FASTKD1: variants seen among roughly 807,000 people sequenced by gnomAD.
The protein encoded by FASTKD1 is FAST kinase domains 1, also known as FAST kinase domain-containing protein 1, mitochondrial.
Under a neutral mutation model 90.9 loss-of-function variants are expected in FASTKD1, and 94 were observed. The observed-to-expected ratio is 1.03, with a 90% confidence interval of 0.88 to 1.23. FASTKD1 has a LOEUF of 1.23. Ranked by LOEUF, FASTKD1 falls within the 50% of genes most tolerant of loss-of-function variation. FASTKD1 has a pLI of 0.00. For missense variants in FASTKD1, 945 were observed against 993.5 expected (o/e 0.95, Z 0.66); for synonymous variants, 319 against 345.8 (o/e 0.92, Z 0.86).
chr2:169,539,639 C>A (rs1299954762), intron 10 of FASTKD1, among the ~76,000 whole-genome samples: 1 of 151,936 alleles, frequency 6.6e-6, no homozygotes, highest in Non-Finnish European at 1.5e-5. Flanking sequence ...GTGACACACG[C>A]CTGTGGTCCC....
Position 169,540,046 on chromosome 2 carries a change from C to A in FASTKD1, c.1945+5G>T. ...AATTAAATAAATTAAAAGATAGATACATACTTTCAAGTTGAGAATCCAATC... is the reference window on the plus strand; with the variant it reads ...AATTAAATAAATTAAAAGATAGATAAATACTTTCAAGTTGAGAATCCAATC... On this transcript the variant is annotated splice_donor_5th_base_variant and intron_variant, in intron 10 of 14. Transcript: ENST00000453153. 1 of 1,531,210 alleles carries A rather than the reference C, an allele frequency of 6.5e-7. No individual in the cohort carries two copies. 94.9% of individuals were successfully genotyped at this position (1,531,210 alleles called of 1,614,324 possible). A position where few individuals can be genotyped will look rare whatever the true frequency, so the allele number is the denominator to read the frequency against.
In FASTKD1 at chr2:169,546,963, G is replaced by C. The variant is rs373332330; in HGVS notation, c.1215-259C>G. The stretch of plus-strand genomic sequence containing the variant: ...TCAGTTCTGACACAATCTACCTGGG[G>C]ACAGTGTCAGATCCCACAGGTTGGG... On this transcript the variant is annotated intron_variant, in intron 7 of 14. Transcript: ENST00000453153. Among the ~76,000 whole-genome samples the C allele has an allele frequency of 1.9e-3, 287 of 152,174 alleles. 1 individual carries two copies. The highest frequency in any genetic ancestry group is 6.7e-3 in the African/African-American group (278 of 41,526).
intron 9 of FASTKD1, among the ~76,000 whole-genome samples, chr2:169,543,323 C>T (rs543304775): frequency 1.4e-4 from 22 of 152,072 alleles, no homozygotes; most frequent in African/African-American, 1.9e-4. Context: ...ATTAGCTGGG[C>T]GTAGTGGCGC....
intron 12 of FASTKD1, among the ~76,000 whole-genome samples, chr2:169,535,700 A>G (rs953228462): frequency 3.3e-5 from 5 of 152,164 alleles, no homozygotes; most frequent in Non-Finnish European, 7.3e-5. Context: ...AGATGAGAGC[A>G]TTAATGATTA....
intron 9 of FASTKD1, among the ~76,000 whole-genome samples, chr2:169,543,496 C>G (rs1685052085): frequency 6.6e-6 from 1 of 151,974 alleles, no homozygotes; most frequent in Non-Finnish European, 1.5e-5. Flanking sequence ...AATTTGGTGA[C>G]TCGGGAAAAT....
In FASTKD1 at chr2:169,560,701, A is replaced by T; in HGVS notation, c.657T>A (p.Leu219=). 6.2e-7 allele frequency: 1 copy of T among 1,610,818 alleles called. No homozygotes were observed. Among genetic ancestry groups the T allele is most frequent in the Non-Finnish European group, 8.5e-7 (1 of 1,179,084 alleles). ...CCTCAGAAGAATCTATGGTGTCAAAAAGAAGTTCTGTTTTGTTCACCAGTT... is the reference window on the plus strand; with the variant it reads ...CCTCAGAAGAATCTATGGTGTCAAATAGAAGTTCTGTTTTGTTCACCAGTT... ...QQQLVNKTEL[L]FDTIDSSEVN... Residue 219 remains leucine, a synonymous_variant, in exon 5 of 15, where the codon CTT becomes CTA. Transcript: ENST00000453153.
chr2:169,557,341 T>C, intron 5 of FASTKD1, 44 bp from the exon 6 acceptor site: 2 of 1,113,850 alleles, frequency 1.8e-6, no homozygotes, highest in Non-Finnish European at 2.6e-6. Flanking sequence ...AGACTGAAAA[T>C]TAGCTTGCAA....
rs1176674910 is a variant in FASTKD1, at chr2:169,572,055, A to C, written c.-26T>G. ...TTATATCACAAGTTTTCTTAGGTAA[A>C]CAAAACCATCTGCAACTAGTCGTCA... On this transcript the variant is annotated 5_prime_UTR_variant, in exon 2 of 15. Coordinates refer to ENST00000453153, the MANE Select transcript of FASTKD1 (RefSeq NM_024622.6). The C allele has an allele frequency of 1.9e-6, 3 of 1,544,166 alleles. No homozygotes were observed. Among genetic ancestry groups the C allele is most frequent in the Non-Finnish European group, 2.6e-6 (3 of 1,148,408 alleles).
intron 4 of FASTKD1, among the ~76,000 whole-genome samples, chr2:169,561,641 A>G (rs1430369366): frequency 6.6e-6 from 1 of 150,472 alleles, no homozygotes; most frequent in African/African-American, 2.4e-5. Context: ...ACATAATTGT[A>G]TGTAAAATTT....
At chr2:169,563,381 T>G (rs373979660) in intron 3 of FASTKD1, 31 bp from the exon 4 acceptor site, 2 of 1,465,314 alleles carry the variant, frequency 1.4e-6, no homozygotes. Flanking sequence ...AGGAGAACAT[T>G]AGTATTTACT....
intron 12 of FASTKD1, among the ~76,000 whole-genome samples, chr2:169,532,478 A>C (rs1559136930): frequency 6.6e-6 from 1 of 151,954 alleles, no homozygotes; most frequent in Non-Finnish European, 1.5e-5. Flanking sequence ...ATGCAGAAAG[A>C]AGTACAAGCC....
chr2:169,539,256 A>G (rs1198611874), intron 10 of FASTKD1, among the ~76,000 whole-genome samples: 2 of 151,604 alleles, frequency 1.3e-5, no homozygotes, highest in African/African-American at 4.8e-5. Context: ...TGGGAAACAG[A>G]GCAAGACTCC....
intron 6 of FASTKD1, among the ~76,000 whole-genome samples, 188 bp from the exon 7 acceptor site, chr2:169,555,443 A>G (rs1184391374): frequency 1.3e-5 from 2 of 152,202 alleles, no homozygotes; most frequent in Non-Finnish European, 2.9e-5. Context: ...AATGAAGTAA[A>G]AGCAATCAAT....
rs1387749732 is a variant in FASTKD1 at position 169,557,187 on chromosome 2, C to T, written c.1082G>A (p.Arg361Lys). The T allele has an allele frequency of 6.3e-7, 1 of 1,587,560 alleles. No homozygotes were observed. The highest frequency in any genetic ancestry group is 2.2e-5 in the East Asian group (1 of 44,652). The change falls in exon 6 of 15, where the codon AGA becomes AAA. Residue 361 changes from arginine (R) to lysine (K), a missense_variant and splice_region_variant. Transcript: ENST00000453153. ...ACGTCGTAAATTTCAGAAAAGATAC[C>T]TTTTAATCAGACATGAGTTTCTGCT... ...MESRNSCLIK[R>K]VTSVLHKHLD...
intron 13 of FASTKD1, chr2:169,530,989 A>G (rs768855375): frequency 6.0e-6 from 4 of 667,544 alleles, no homozygotes; most frequent in Non-Finnish European, 8.4e-6. Context: ...AATATGAAGC[A>G]ACACAGCTTA....
chr2:169,556,392 C>T (rs543157252), intron 6 of FASTKD1, among the ~76,000 whole-genome samples: 7 of 147,840 alleles, frequency 4.7e-5, no homozygotes, highest in Non-Finnish European at 1.0e-4. Flanking sequence ...GTTGTGATGG[C>T]ACCACTGCAC....
At chr2:169,547,411 C>T (rs547217287) in intron 7 of FASTKD1, among the ~76,000 whole-genome samples, 19 of 152,166 alleles carry the variant, frequency 1.2e-4, no homozygotes, top group African/African-American at 3.9e-4. Context: ...TTAAGACCCA[C>T]GATCAGAAAG....
Position 169,567,333 on chromosome 2 carries a change from G to A in FASTKD1, c.446+1851C>T, listed in dbSNP as rs56185233. On this transcript the variant is annotated intron_variant, in intron 3 of 14. Transcript: ENST00000453153. The stretch of plus-strand genomic sequence containing the variant: ...AATACACATAACGTATCCTTGCTTT[G>A]AAGAGAAATAAAATGTTGTGACCTA... Among the ~76,000 whole-genome samples, 1,158 of 152,240 alleles carry A rather than the reference G, an allele frequency of 7.6e-3. 12 individuals are homozygous for A. Among genetic ancestry groups the A allele is most frequent in the Middle Eastern group, 0.031 (9 of 294 alleles).
rs906182187 is a variant in FASTKD1, at chr2:169,544,435, G to A, written c.1816+286C>T. 4.6e-5 allele frequency among the ~76,000 whole-genome samples: 7 copies of A among 152,024 alleles called. No homozygotes were observed. In the South Asian group the frequency reaches 1.2e-3, roughly 27 times the overall value. On this transcript the variant is annotated intron_variant, in intron 9 of 14. Coordinates refer to ENST00000453153, the MANE Select transcript of FASTKD1 (RefSeq NM_024622.6). ...AAATGCAAAAAATTAGCCGGGTGTG[G>A]TGGCACATGCTTATAGTCCAAGCTA...
Sources: allele counts gnomAD v4.1 joint callset (sites outside exome capture counted in the v4.1 genomes callset), GRCh38; gene constraint gnomAD v4.1.1; transcripts MANE v1.5; gene names NCBI Gene and HGNC (gene_info 2026-07-23, HGNC 2026-07-21).